The following LRP8 variants were observed in gnomAD, a reference collection of about 807,000 sequenced individuals.
LRP8 encodes the protein LDL receptor related protein 8, also known as low-density lipoprotein receptor-related protein 8.
A neutral mutation model predicts 111.6 loss-of-function variants in LRP8; 46 were observed. That is an observed-to-expected ratio of 0.41 (90% CI 0.33 to 0.53). The LOEUF is 0.53. Ranked by LOEUF, LRP8 falls within the 20% of genes least tolerant of loss-of-function variation. The pLI, the probability that LRP8 is intolerant of heterozygous loss-of-function variation, is 0.20. For synonymous variants in LRP8, 464 were observed against 511.2 expected, an observed-to-expected ratio of 0.91 and a Z score of 1.24; for missense variants, 959 against 1,297.4, an observed-to-expected ratio of 0.74 and a Z score of 4.01.
chr1:53,295,223 T>G (rs1649477785), intron 2 of LRP8, among the ~76,000 whole-genome samples: 1 of 151,338 alleles, frequency 6.6e-6, no homozygotes, highest in African/African-American at 2.4e-5. Flanking sequence ...GGAAGAGGAG[T>G]CAGCCAAGCT....
rs1572401638 is a variant in LRP8 at position 53,242,629 on chromosome 1, A to G, written c.*4389T>C. 1 of 152,232 alleles carries G rather than the reference A, an allele frequency of 6.6e-6. No individual in the cohort carries two copies. Among genetic ancestry groups the G allele is most frequent in the East Asian group, 1.9e-4 (1 of 5,190 alleles). 9.4% of individuals were successfully genotyped at this position (152,232 alleles called of 1,614,324 possible). A position where few individuals can be genotyped will look rare whatever the true frequency, so the allele number is the denominator to read the frequency against. On this transcript the variant is annotated 3_prime_UTR_variant, in exon 19 of 19. Coordinates refer to ENST00000306052, the MANE Select transcript of LRP8 (RefSeq NM_004631.5). ...AACATGCCTGATTCTTACATCAAAT[A>G]TGGTAACTTTGGGGTTGGTAGGGGG...
chr1:53,308,503 A>G lies in LRP8; in HGVS notation c.244+18370T>C, dbSNP rs1652416617. 4.6e-5 allele frequency among the ~76,000 whole-genome samples: 7 copies of G among 152,290 alleles called. No homozygotes were observed. The South Asian group carries it at 1.5e-3, about 32-fold the overall frequency. ...TGCTAAATGTTTGGAAAAAGCAGCA[A>G]TAAATTTACTGCCTCACTTATGAGC... On this transcript the variant is annotated intron_variant, in intron 2 of 18. Transcript: ENST00000306052.
At chr1:53,296,952 G>A (rs758898183) in intron 2 of LRP8, among the ~76,000 whole-genome samples, 8 of 152,230 alleles carry the variant, frequency 5.3e-5, no homozygotes, top group African/African-American at 1.9e-4. Flanking sequence ...GGAGCTGCAC[G>A]GTTGGAAGTG....
At chr1:53,264,546 G>A in intron 9 of LRP8, 150 bp from the exon 10 acceptor site, 1 of 679,724 alleles carries the variant, frequency 1.5e-6, no homozygotes, top group Non-Finnish European at 2.5e-6. Flanking sequence ...CACATTCCCT[G>A]GGGTACCAGG....
intron 10 of LRP8, among the ~76,000 whole-genome samples, 153 bp downstream of exon 10, chr1:53,264,016 A>C (rs1223686440): frequency 2.0e-5 from 3 of 152,084 alleles, no homozygotes; most frequent in East Asian, 3.9e-4. Context: ...ATGCCCAGAG[A>C]ACCTTGGTTG....
Position 53,250,768 on chromosome 1 carries a change from G to C in LRP8, c.2598C>G (p.Tyr866Ter). 1 of 1,614,134 alleles carries C rather than the reference G, an allele frequency of 6.2e-7. No individual in the cohort carries two copies. Among genetic ancestry groups the C allele is most frequent in the Non-Finnish European group, 8.5e-7 (1 of 1,179,988 alleles). The change falls in exon 17 of 19, where the codon TAC becomes TAG. Residue 866 changes from tyrosine to a stop codon, truncating the protein, a stop_gained. Transcript: ENST00000306052. LOFTEE classifies it high-confidence loss of function. The surrounding 1 kb of genome is among the most constrained non-coding windows in gnomAD (Gnocchi z 4.6). ...CGTCTTCTTCTTCTGTTGTTTTCCT[G>C]TAGACTGGGTTGTCAAAATTCATGC... is the stretch of plus-strand genomic sequence containing the variant. ...TKSMNFDNPV[Y>*]RKTTEEEDED...
Position 53,249,240 on chromosome 1 carries a change from C to T in LRP8, c.2853+140G>A. The T allele has an allele frequency of 1.2e-6, 1 of 826,166 alleles. No homozygotes were observed. The highest frequency in any genetic ancestry group is 1.9e-6 in the Non-Finnish European group (1 of 530,836). 51.2% of individuals were successfully genotyped at this position (826,166 alleles called of 1,614,324 possible). ...TGCCATTCATTGGTCTGTGACTAACCCATTTTTCTTCTTTGCCCCAACACC... is the reference window on the plus strand; with the variant it reads ...TGCCATTCATTGGTCTGTGACTAACTCATTTTTCTTCTTTGCCCCAACACC... On this transcript the variant is annotated intron_variant, in intron 18 of 18. Transcript: ENST00000306052. The surrounding 1 kb of genome is among the most constrained non-coding windows in gnomAD (Gnocchi z 4.1).
chr1:53,261,148 C>T (rs1391670851), intron 12 of LRP8, among the ~76,000 whole-genome samples: 4 of 152,186 alleles, frequency 2.6e-5, no homozygotes. Flanking sequence ...GCTACATTTG[C>T]CCCTAAATAT....
At chr1:53,313,168 T>C (rs1193405441) in intron 2 of LRP8, among the ~76,000 whole-genome samples, 1 of 152,144 alleles carries the variant, frequency 6.6e-6, no homozygotes, top group Non-Finnish European at 1.5e-5. Flanking sequence ...AGGTCACACA[T>C]TAAGTTAGGG....
In LRP8 at chr1:53,294,970, C is replaced by T. The variant is rs1265320402; in HGVS notation, c.245-5281G>A. On this transcript the variant is annotated intron_variant, in intron 2 of 18. Coordinates refer to ENST00000306052, the MANE Select transcript of LRP8 (RefSeq NM_004631.5). This position sits in a 1 kb window ranked among gnomAD's most constrained non-coding sequence, Gnocchi z 4.1. ...AGCTTCCTCTTGGCAATCCGAATGT[C>T]CTGCCGTGTTGGACTCCAGGGTCTT... 6.6e-6 allele frequency among the ~76,000 whole-genome samples: 1 copy of T among 152,216 alleles called. No homozygotes were observed.
Position 53,327,777 on chromosome 1 carries a change from G to A in LRP8, c.124+12C>T, listed in dbSNP as rs1294733114. ...GCGGAGCAGAGCCGAGTCAGAGACC[G>A]GCTGCACGCACCTTGGCCGCCGAGC... On this transcript the variant is annotated intron_variant, in intron 1 of 18. Coordinates refer to ENST00000306052, the MANE Select transcript of LRP8 (RefSeq NM_004631.5). 2 of 1,507,934 alleles carry A rather than the reference G, an allele frequency of 1.3e-6. No individual in the cohort carries two copies. Among genetic ancestry groups the A allele is most frequent in the Non-Finnish European group, 1.8e-6 (2 of 1,133,404 alleles). The allele number at this position is 1,507,934 out of a possible 1,614,324, so 93.4% of individuals were successfully genotyped here.
Position 53,279,607 on chromosome 1 carries a change from C to T in LRP8, c.496+980G>A, listed in dbSNP as rs753208232. Among the ~76,000 whole-genome samples, 61 of 152,144 alleles carry T rather than the reference C, an allele frequency of 4.0e-4. No homozygotes were observed. Among genetic ancestry groups the T allele is most frequent in the African/African-American group, 1.2e-3 (48 of 41,412 alleles). ...CCAGACTTAGAATCTTAAAGTGTGA[C>T]GACTCAGACACCTCTGGAGGAGATG... On this transcript the variant is annotated intron_variant, in intron 4 of 18. Transcript: ENST00000306052. The surrounding 1 kb of genome is among the most constrained non-coding windows in gnomAD (Gnocchi z 4.4).
At chr1:53,257,503 A>AT in intron 14 of LRP8, 39 bp from the exon 15 acceptor site, 2 of 1,540,178 alleles carry the variant, frequency 1.3e-6, no homozygotes, top group Non-Finnish European at 9.0e-7. Context: ...TGGACAGATA[A>AT]TTTTGTTGCC....
intron 3 of LRP8, among the ~76,000 whole-genome samples, chr1:53,286,537 C>T (rs1050128148): frequency 1.3e-5 from 2 of 152,188 alleles, no homozygotes; most frequent in African/African-American, 4.8e-5. Context: ...GGTCAGAAGC[C>T]GTCCCCAATC....
rs1646937492 is a variant in LRP8, at chr1:53,276,844, A to G, written c.731T>C (p.Leu244Pro). 3 of 1,299,952 alleles carry G rather than the reference A, an allele frequency of 2.3e-6. No homozygotes were observed. Among genetic ancestry groups the G allele is most frequent in the Non-Finnish European group, 2.0e-6 (2 of 1,022,808 alleles). 80.5% of individuals were successfully genotyped at this position (1,299,952 alleles called of 1,614,324 possible). The change falls in exon 5 of 19, where the codon CTC becomes CCC. Residue 244 changes from leucine (L) to proline (P), a missense_variant. This residue lies in a region of LRP8 where 819 missense variants were observed against 1,097.6 expected (regional missense o/e 0.75). Coordinates refer to ENST00000306052, the MANE Select transcript of LRP8 (RefSeq NM_004631.5). ...GGCCCCGGGGCCCGGACGGCCGCAG[A>G]GCTCGGCTGCCTCGTCCGAGCGGTC... The part of the protein sequence containing the change: ...CEDRSDEAAE[L>P]CGRPGPGATS...
At chr1:53,314,765 G>A (rs1324020537) in intron 2 of LRP8, among the ~76,000 whole-genome samples, 3 of 152,178 alleles carry the variant, frequency 2.0e-5, no homozygotes, top group Non-Finnish European at 4.4e-5. Flanking sequence ...GGAAGGGGGA[G>A]GCCGCTTTGG....
intron 3 of LRP8, among the ~76,000 whole-genome samples, chr1:53,284,481 C>T (rs1338558046): frequency 6.6e-6 from 1 of 152,152 alleles, no homozygotes; most frequent in Non-Finnish European, 1.5e-5. Context: ...CCATCAAATC[C>T]TGCATGCTCC....
At position 53,271,321 on chromosome 1, in the gene LRP8, A is replaced by G. The variant is rs2100406548; in HGVS notation, c.1032T>C (p.Asn344=). The G allele has an allele frequency of 1.9e-6, 3 of 1,613,902 alleles. No homozygotes were observed. Among genetic ancestry groups the G allele is most frequent in the Non-Finnish European group, 2.5e-6 (3 of 1,179,978 alleles). The change falls in exon 7 of 19, where the codon AAT becomes AAC. Residue 344 remains asparagine (N), a synonymous_variant. Coordinates refer to ENST00000306052, the MANE Select transcript of LRP8 (RefSeq NM_004631.5). Reference sequence around the variant, plus strand: ...CAGTGCAGATGTGTGAGCAGCCGCCATTGTTGTGCAGACACTCGTTCAGCC... The same window carrying G: ...CAGTGCAGATGTGTGAGCAGCCGCCGTTGTTGTGCAGACACTCGTTCAGCC... ...LQGLNECLHN[N]GGCSHICTDL... is the part of the protein sequence containing the mutation.
chr1:53,319,795 C>T (rs748374595), intron 2 of LRP8, among the ~76,000 whole-genome samples: 9 of 152,208 alleles, frequency 5.9e-5, no homozygotes, highest in South Asian at 4.1e-4. Flanking sequence ...TGCTGGAGGG[C>T]GCCCAAGGGG....
Sources: allele counts gnomAD v4.1 joint callset (sites outside exome capture counted in the v4.1 genomes callset), GRCh38; gene constraint gnomAD v4.1.1; regional missense constraint gnomAD v4.1.1; non-coding constraint Gnocchi (gnomAD v3.1); transcripts MANE v1.5; gene names NCBI Gene and HGNC (gene_info 2026-07-23, HGNC 2026-07-21).